Variants in NPEPPS observed in about 807,000 individuals in gnomAD.
NPEPPS encodes the protein puromycin-sensitive aminopeptidase.
In NPEPPS, 14 loss-of-function variants were observed where a neutral mutation model predicts 115.5. The observed-to-expected ratio is 0.12, with a 90% confidence interval of 0.08 to 0.19. The LOEUF is 0.19. Among genes scored for constraint, NPEPPS ranks in the 10% least tolerant of loss-of-function variants. The pLI, the probability that NPEPPS is intolerant of heterozygous loss-of-function variation, is 1.00. For synonymous variants in NPEPPS, 285 were observed against 390.6 expected (o/e 0.73, Z 3.19); for missense variants, 523 against 1,110.8 (o/e 0.47, Z 7.52).
At position 47,585,598 on chromosome 17, in the gene NPEPPS, T is replaced by C; in HGVS notation, c.747T>C (p.Val249=). The change falls in exon 6 of 23, where the codon GTT becomes GTC. Residue 249 remains valine (V), a synonymous_variant. Transcript: ENST00000322157. ...TGTCTACATATCTGGTGGCATTTGT[T>C]GTGGGTGAATATGACTTTGTAGAAA... ...PVMSTYLVAF[V]VGEYDFVETR... 1 of 1,613,912 alleles carries C rather than the reference T, an allele frequency of 6.2e-7. No homozygotes were observed. Among genetic ancestry groups the C allele is most frequent in the Middle Eastern group, 1.6e-4 (1 of 6,062 alleles).
chr17:47,613,288 C>T (rs1320682444), intron 18 of NPEPPS, among the ~76,000 whole-genome samples: 2 of 120,674 alleles, frequency 1.7e-5, no homozygotes, highest in East Asian at 2.6e-4. Context: ...TTTTCTGAGA[C>T]GGAGTCTCAC....
Position 47,591,082 on chromosome 17 carries a change from A to AT in NPEPPS, c.1260+203dup, listed in dbSNP as rs199499130. Among the ~76,000 whole-genome samples the AT allele has an allele frequency of 7.2e-3, 1,098 of 152,336 alleles. 13 individuals carry two copies. Among genetic ancestry groups the AT allele is most frequent in the Non-Finnish European group, 9.8e-3 (667 of 68,032 alleles). On this transcript the variant is annotated intron_variant, in intron 10 of 22. Transcript: ENST00000322157. ...TTTTTAAGGTAGGCAGTAAAAAAAA[A>AT]TTGGTCTGGCCAGGCGCAGTGGCTT...
chr17:47,612,390 T>C (rs1298932077), intron 17 of NPEPPS, 70 bp from the exon 18 acceptor site: 3 of 1,523,576 alleles, frequency 2.0e-6, no homozygotes, highest in South Asian at 2.3e-5. Context: ...AATTATAAGA[T>C]ATCCAAATGG....
chr17:47,603,418 A>G (rs530296789), intron 15 of NPEPPS: 22 of 152,208 alleles, frequency 1.4e-4, no homozygotes, highest in African/African-American at 5.3e-4. Context: ...TCTCAAAAAG[A>G]AAAAAAAGAA....
Position 47,622,821 on chromosome 17 carries a change from T to TA in NPEPPS, c.*906dup. Reference sequence around the variant, plus strand: ...GGCCTTTCTGAAGGAGTTATTCTGCTAAAAATGGTCTTAGTTGTCTGAAAA... The same window carrying TA: ...GGCCTTTCTGAAGGAGTTATTCTGCTAAAAAATGGTCTTAGTTGTCTGAAAA... On this transcript the variant is annotated 3_prime_UTR_variant, in exon 23 of 23. Transcript: ENST00000322157. The TA allele has an allele frequency of 2.2e-6, 1 of 454,556 alleles. No individual in the cohort carries two copies. The highest frequency in any genetic ancestry group is 4.4e-6 in the Non-Finnish European group (1 of 226,378). 28.2% of individuals were successfully genotyped at this position (454,556 alleles called of 1,614,324 possible). A position where few individuals can be genotyped will look rare whatever the true frequency, so the allele number is the denominator to read the frequency against.
intron 17 of NPEPPS, among the ~76,000 whole-genome samples, chr17:47,609,047 TGA>T (rs112466361): frequency 3.9e-5 from 6 of 152,102 alleles, no homozygotes; most frequent in African/African-American, 1.4e-4. Flanking sequence ...AAGGGGTAGA[TGA>T]GAGAGACGTG....
chr17:47,537,811 A>G (rs1908412967), intron 1 of NPEPPS, among the ~76,000 whole-genome samples: 1 of 152,060 alleles, frequency 6.6e-6, no homozygotes, highest in Non-Finnish European at 1.5e-5. Context: ...GTTTTTTTTA[A>G]ATACTGAACT....
intron 1 of NPEPPS, among the ~76,000 whole-genome samples, chr17:47,543,145 CAAAAAA>C (rs941024934): frequency 1.5e-4 from 8 of 53,080 alleles, no homozygotes; most frequent in Non-Finnish European, 3.0e-4. Context: ...GACTCCATCT[CAAAAAA>C]AAAAAAAAAA....
Position 47,621,804 on chromosome 17 carries a change from C to T in NPEPPS, c.2644C>T (p.Arg882Cys), listed in dbSNP as rs754579242. The part of the protein sequence containing the change: ...FESHPAPSAE[R>C]TIQQCCENIL... ...GAGTCACCCAGCTCCTTCAGCTGAG[C>T]GTACCATCCAGCAGTGTTGTGAAAA... Residue 882 changes from arginine to cysteine, a missense_variant, in exon 23 of 23, where the codon CGT becomes TGT. Transcript: ENST00000322157. The T allele has an allele frequency of 6.8e-6, 11 of 1,612,824 alleles. No homozygotes were observed. The highest frequency in any genetic ancestry group is 1.7e-5 in the Admixed American group (1 of 59,992).
chr17:47,605,220 C>A lies in NPEPPS; in HGVS notation c.1876-113C>A, dbSNP rs963581309. The A allele has an allele frequency of 6.1e-6, 4 of 657,930 alleles. No homozygotes were observed. The African/African-American group carries it at 7.3e-5, about 12-fold the overall frequency. The allele number at this position is 657,930 out of a possible 1,614,324, so 40.8% of individuals were successfully genotyped here. On this transcript the variant is annotated intron_variant, in intron 16 of 22. Coordinates refer to ENST00000322157, the MANE Select transcript of NPEPPS (RefSeq NM_006310.4). ...TAACAGTGTTCTGAGCTTATACAGT[C>A]CCATTTCCTTAAACCAAAGAAATTG...
At chr17:47,531,781 G>A (rs1907797777) in intron 1 of NPEPPS, among the ~76,000 whole-genome samples, 1 of 152,070 alleles carries the variant, frequency 6.6e-6, no homozygotes, top group Non-Finnish European at 1.5e-5. Flanking sequence ...GCTGGGGCTC[G>A]GGCTGGGGCC....
At chr17:47,553,986 G>A (rs1909829095) in intron 2 of NPEPPS, among the ~76,000 whole-genome samples, 2 of 151,334 alleles carry the variant, frequency 1.3e-5, no homozygotes, top group South Asian at 2.1e-4. Context: ...TTCTGACCTC[G>A]TGATCTGCCC....
upstream of NPEPPS, among the ~76,000 whole-genome samples, chr17:47,526,167 G>T (rs974705944): frequency 3.9e-5 from 6 of 152,254 alleles, no homozygotes; most frequent in South Asian, 2.1e-4. Flanking sequence ...AGCTGAGATT[G>T]TGCCATTGCA....
At chr17:47,535,832 C>CTTT (rs553790964) in intron 1 of NPEPPS, among the ~76,000 whole-genome samples, 67 of 100,938 alleles carry the variant, frequency 6.6e-4, no homozygotes, top group Non-Finnish European at 8.4e-4. Context: ...ATTGGGTATT[C>CTTT]TTTTTTTTTT....
rs543559258 is a variant in NPEPPS at position 47,538,202 on chromosome 17, C to CTTTTTTTTTTTTTTTTTTTTT, written c.255+6650_255+6670dup. On this transcript the variant is annotated intron_variant, in intron 1 of 22. Coordinates refer to ENST00000322157, the MANE Select transcript of NPEPPS (RefSeq NM_006310.4). Reference sequence around the variant, plus strand: ...GCCACCGCGCCTAGCCATATCTGTTCTTTTTTTTTTTTTTTTTTTTTTTGA... The same window carrying CTTTTTTTTTTTTTTTTTTTTT: ...GCCACCGCGCCTAGCCATATCTGTTCTTTTTTTTTTTTTTTTTTTTTTTTTTTTTTTTTTTTTTTTTTTTGA... Among the ~76,000 whole-genome samples the CTTTTTTTTTTTTTTTTTTTTT allele has an allele frequency of 2.6e-4, 15 of 58,496 alleles. 2 individuals are homozygous for CTTTTTTTTTTTTTTTTTTTTT. The highest frequency in any genetic ancestry group is 3.4e-4 in the African/African-American group (6 of 17,660). 38.4% of individuals were successfully genotyped at this position (58,496 alleles called of 152,430 possible). A position where few individuals can be genotyped will look rare whatever the true frequency, so the allele number is the denominator to read the frequency against.
intron 6 of NPEPPS, 97 bp downstream of exon 6, chr17:47,585,797 A>C: frequency 1.1e-6 from 1 of 924,858 alleles, no homozygotes; most frequent in Non-Finnish European, 1.7e-6. Context: ...TTTATAATTT[A>C]ATCTGAAAGT....
In NPEPPS at chr17:47,606,178, G is replaced by A. The variant is rs940455591; in HGVS notation, c.2095+626G>A. Among the ~76,000 whole-genome samples, 4 of 152,178 alleles carry A rather than the reference G, an allele frequency of 2.6e-5. No homozygotes were observed. The East Asian group carries it at 7.7e-4, about 29-fold the overall frequency. ...TACCATAAATACCAGGCACCTTTATGTATAACTTGTAAAGGTGCTGAGAGA... is the reference window on the plus strand; with the variant it reads ...TACCATAAATACCAGGCACCTTTATATATAACTTGTAAAGGTGCTGAGAGA... On this transcript the variant is annotated intron_variant, in intron 17 of 22. Transcript: ENST00000322157.
chr17:47,551,993 A>C (rs1407302980), intron 2 of NPEPPS, among the ~76,000 whole-genome samples: 1 of 65,256 alleles, frequency 1.5e-5, no homozygotes, highest in East Asian at 6.1e-4. Flanking sequence ...TTTTTTTTTG[A>C]GACAGGTCTT....
chr17:47,550,682 C>T (rs1379639600), intron 2 of NPEPPS, among the ~76,000 whole-genome samples: 4 of 147,458 alleles, frequency 2.7e-5, no homozygotes, highest in Non-Finnish European at 4.5e-5. Context: ...GGCTGCAGTG[C>T]GATGGCATGA....
Sources: gnomAD v4.1 joint callset for allele counts (sites outside exome capture counted in the v4.1 genomes callset) on GRCh38, gnomAD v4.1.1 for gene constraint, MANE v1.5 for transcripts, NCBI Gene and HGNC (gene_info 2026-07-23, HGNC 2026-07-21) for gene names.